RALGAPA2: variants seen among roughly 807,000 people sequenced by gnomAD.
RALGAPA2 encodes the protein Ral GTPase activating protein catalytic subunit alpha 2.
A neutral mutation model predicts 230.4 loss-of-function variants in RALGAPA2; 139 were observed. The ratio of observed to expected loss-of-function variants is 0.60; its 90% confidence interval spans 0.53 to 0.69. RALGAPA2 has a LOEUF of 0.69. Ranked by LOEUF, RALGAPA2 falls within the 30% of genes least tolerant of loss-of-function variation. The pLI is 0.00. For missense variants in RALGAPA2, 2,163 were observed against 2,276.0 expected (o/e 0.95, Z 1.01); for synonymous variants, 847 against 837.8 (o/e 1.01, Z -0.19).
Position 20,629,415 on chromosome 20 carries a change from A to C in RALGAPA2, c.1181T>G (p.Ile394Ser), listed in dbSNP as rs1288945278. The change falls in exon 10 of 40, where the codon ATT becomes AGT. Residue 394 changes from isoleucine to serine, a missense_variant. By Grantham distance (142) the Ile-to-Ser change is moderately radical (BLOSUM62 -2). Coordinates refer to ENST00000202677, the MANE Select transcript of RALGAPA2 (RefSeq NM_020343.4). ...HRMVYEMVQR[I>S]LLSTRGYVNF... is the part of the protein sequence containing the mutation. Reference sequence around the variant, plus strand: ...GACATAACCTCGTGTTGACAAGAGAATCCGCTGTACCATTTCATACACCAT... The same window carrying C: ...GACATAACCTCGTGTTGACAAGAGACTCCGCTGTACCATTTCATACACCAT... The C allele has an allele frequency of 6.2e-7, 1 of 1,613,472 alleles. No homozygotes were observed. Among genetic ancestry groups the C allele is most frequent in the Non-Finnish European group, 8.5e-7 (1 of 1,179,782 alleles).
In RALGAPA2 at chr20:20,495,291, G is replaced by T. The variant is rs911659901; in HGVS notation, c.5209-16C>A. ...AGTGACGAAGCTGCAACAGCAAATT[G>T]ACTGTTTATTAATCAGGGTGATAAC... On this transcript the variant is annotated splice_polypyrimidine_tract_variant and intron_variant, in intron 35 of 39. Transcript: ENST00000202677. 21 of 1,509,314 alleles carry T rather than the reference G, an allele frequency of 1.4e-5. No individual in the cohort carries two copies. The highest frequency in any genetic ancestry group is 7.0e-5 in the East Asian group (3 of 42,576). The allele number at this position is 1,509,314 out of a possible 1,614,324, so 93.5% of individuals were successfully genotyped here.
rs1472618391 is a variant in RALGAPA2, at chr20:20,623,959, T to G, written c.1234-3329A>C. On this transcript the variant is annotated intron_variant, in intron 10 of 39. Coordinates refer to ENST00000202677, the MANE Select transcript of RALGAPA2 (RefSeq NM_020343.4). ...TTCTGATTTTTATGTCTAGAAAAGTTTTGACTCACAAATTCCCAAGGGGAA... is the reference window on the plus strand; with the variant it reads ...TTCTGATTTTTATGTCTAGAAAAGTGTTGACTCACAAATTCCCAAGGGGAA... Among the ~76,000 whole-genome samples, 5 of 152,198 alleles carry G rather than the reference T, an allele frequency of 3.3e-5. No individual in the cohort carries two copies. The East Asian group carries it at 9.6e-4, about 29-fold the overall frequency.
At chr20:20,535,952 A>G in intron 25 of RALGAPA2, 149 bp from the exon 26 acceptor site, 1 of 1,323,896 alleles carries the variant, frequency 7.6e-7, no homozygotes, top group Non-Finnish European at 9.8e-7. Flanking sequence ...GGGGGGAAGA[A>G]GAACACTGGG....
intron 1 of RALGAPA2, among the ~76,000 whole-genome samples, chr20:20,692,619 T>C (rs2068954287): frequency 1.3e-5 from 2 of 152,216 alleles, no homozygotes; most frequent in African/African-American, 2.4e-5. Flanking sequence ...TGTGACCCAA[T>C]GCTGATCAAT....
chr20:20,572,502 G>A (rs566118001), intron 21 of RALGAPA2, among the ~76,000 whole-genome samples: 1 of 149,940 alleles, frequency 6.7e-6, no homozygotes, highest in African/African-American at 2.4e-5. Context: ...TAAAAAGAAA[G>A]AAGACTATAT....
intron 23 of RALGAPA2, among the ~76,000 whole-genome samples, chr20:20,549,771 T>A (rs959664579): frequency 3.3e-5 from 5 of 152,056 alleles, no homozygotes; most frequent in Non-Finnish European, 5.9e-5. Flanking sequence ...TCTTTCACCA[T>A]CCCCACCATA....
Position 20,505,516 on chromosome 20 carries a change from G to A in RALGAPA2, c.4947C>T (p.Ile1649=), listed in dbSNP as rs769909694. The stretch of plus-strand genomic sequence containing the variant: ...GACCTTCAGCAATGTAAAACACTGC[G>A]ATTTTGTGTGTCTCACGGCTATAAA... ...DSRQCRETHK[I]AVFYIAEGQE... is the part of the protein sequence containing the mutation. Residue 1649 remains isoleucine (I), a synonymous_variant, in exon 34 of 40, where the codon ATC becomes ATT. Transcript: ENST00000202677. 6.0e-5 allele frequency: 96 copies of A among 1,594,242 alleles called. No individual in the cohort carries two copies. Among genetic ancestry groups the A allele is most frequent in the Non-Finnish European group, 7.7e-5 (90 of 1,170,798 alleles).
chr20:20,409,470 T>C (rs548081332), intron 38 of RALGAPA2, among the ~76,000 whole-genome samples: 1 of 152,344 alleles, frequency 6.6e-6, no homozygotes, highest in Admixed American at 6.5e-5. Context: ...CCTGCTTTGA[T>C]GACACTGAGG....
At chr20:20,638,830 G>C (rs1201400518) in intron 7 of RALGAPA2, among the ~76,000 whole-genome samples, 1 of 152,188 alleles carries the variant, frequency 6.6e-6, no homozygotes, top group East Asian at 1.9e-4. Flanking sequence ...GGCAAGGAAA[G>C]GGGACAAAAT....
At position 20,485,362 on chromosome 20, in the gene RALGAPA2, T is replaced by G. The variant is rs541576735; in HGVS notation, c.5367+9755A>C. On this transcript the variant is annotated intron_variant, in intron 36 of 39. Coordinates refer to ENST00000202677, the MANE Select transcript of RALGAPA2 (RefSeq NM_020343.4). The stretch of plus-strand genomic sequence containing the variant: ...TCTCCACCCCTTTACTTTTAATCTG[T>G]GTCTTCACATTTAAAGTGGGTCTCC... Among the ~76,000 whole-genome samples the G allele has an allele frequency of 2.2e-3, 339 of 152,358 alleles. 1 individual carries two copies. The highest frequency in any genetic ancestry group is 4.1e-3 in the Non-Finnish European group (281 of 68,034).
At position 20,706,643 on chromosome 20, in the gene RALGAPA2, CAGAA is replaced by C. The variant is rs1555831757; in HGVS notation, c.106+5728_106+5731del. The stretch of plus-strand genomic sequence containing the variant: ...CCTAGAAAAATGCAGAAAAATGGAC[CAGAA>C]AGAGAGAGGCCAATATCACAGCAAC... On this transcript the variant is annotated intron_variant, in intron 1 of 39. Transcript: ENST00000202677. Among the ~76,000 whole-genome samples the C allele has an allele frequency of 2.6e-5, 4 of 152,140 alleles. No homozygotes were observed. In the East Asian group the frequency reaches 5.8e-4, roughly 22 times the overall value.
At chr20:20,610,668 A>G (rs2065951175) in intron 14 of RALGAPA2, among the ~76,000 whole-genome samples, 1 of 152,102 alleles carries the variant, frequency 6.6e-6, no homozygotes, top group African/African-American at 2.4e-5. Context: ...TCCTTTCCAC[A>G]GCAAGAACTC....
chr20:20,488,026 C>T (rs1038561029), intron 36 of RALGAPA2, among the ~76,000 whole-genome samples: 1 of 152,088 alleles, frequency 6.6e-6, no homozygotes, highest in African/African-American at 2.4e-5. Context: ...ACCAATGCCC[C>T]ACCCCTGTGC....
intron 37 of RALGAPA2, among the ~76,000 whole-genome samples, chr20:20,448,606 A>G (rs191688529): frequency 2.0e-5 from 3 of 152,354 alleles, no homozygotes; most frequent in Admixed American, 1.3e-4. Flanking sequence ...TATTTTTAAT[A>G]GAATCTATCC....
intron 19 of RALGAPA2, among the ~76,000 whole-genome samples, chr20:20,584,163 A>G (rs1198731749): frequency 6.6e-6 from 1 of 152,226 alleles, no homozygotes; most frequent in African/African-American, 2.4e-5. Flanking sequence ...TGACTTCAGG[A>G]AAGCAGAGTA....
intron 5 of RALGAPA2, among the ~76,000 whole-genome samples, chr20:20,641,964 G>C (rs1048767090): frequency 6.6e-6 from 1 of 151,452 alleles, no homozygotes; most frequent in African/African-American, 2.4e-5. Flanking sequence ...CCATTAACGG[G>C]GTAAATTCAC....
At chr20:20,649,116 G>A (rs2067311779) in intron 4 of RALGAPA2, among the ~76,000 whole-genome samples, 2 of 152,204 alleles carry the variant, frequency 1.3e-5, no homozygotes, top group Non-Finnish European at 2.9e-5. Flanking sequence ...GCTACCAGGG[G>A]CATTAGTTCC....
chr20:20,676,202 A>G (rs1056452280), intron 3 of RALGAPA2, 34 bp downstream of exon 3: 1 of 1,379,406 alleles, frequency 7.2e-7, no homozygotes, highest in Non-Finnish European at 1.0e-6. Flanking sequence ...TCCAACAAGA[A>G]TTATAAAAGC....
At chr20:20,516,898 T>TCCCA (rs894806919) in intron 31 of RALGAPA2, among the ~76,000 whole-genome samples, 3 of 152,172 alleles carry the variant, frequency 2.0e-5, no homozygotes, top group South Asian at 2.1e-4. Context: ...AGGTCTTGAG[T>TCCCA]CCCACATCTT....
Sources: allele counts gnomAD v4.1 joint callset (sites outside exome capture counted in the v4.1 genomes callset), GRCh38; gene constraint gnomAD v4.1.1; transcripts MANE v1.5; gene names NCBI Gene and HGNC (gene_info 2026-07-23, HGNC 2026-07-21).